The following CCDC93 variants were observed in gnomAD, a reference collection of about 807,000 sequenced individuals.
CCDC93 encodes CCC complex scaffolding subunit CCDC93, also known as coiled-coil domain-containing protein 93.
A neutral mutation model predicts 108.2 loss-of-function variants in CCDC93; 61 were observed. That is an observed-to-expected ratio of 0.56 (90% confidence interval 0.46 to 0.70). The LOEUF is 0.70. CCDC93 is among the 30% of genes least tolerant of loss of function. CCDC93 has a pLI of 0.00. For synonymous variants in CCDC93, 276 were observed against 260.4 expected, an observed-to-expected ratio of 1.06 and a Z score of -0.58; for missense variants, 685 against 764.2, an observed-to-expected ratio of 0.90 and a Z score of 1.22.
intron 6 of CCDC93, among the ~76,000 whole-genome samples, chr2:117,993,797 G>A (rs1312038512): frequency 1.3e-5 from 2 of 152,194 alleles, no homozygotes; most frequent in East Asian, 1.9e-4. Context: ...GCAATGGCAC[G>A]ATCTTGGCTC....
rs543860523 is a variant in CCDC93 at position 117,962,470 on chromosome 2, C to T, written c.889-3989G>A. Reference sequence around the variant, plus strand: ...ACCAGCCTAGCCAACATGGTGAAACCCTACTCTACTAAAAATACAAAAATT... The same window carrying T: ...ACCAGCCTAGCCAACATGGTGAAACTCTACTCTACTAAAAATACAAAAATT... On this transcript the variant is annotated intron_variant, in intron 11 of 23. Transcript: ENST00000376300. 3.5e-4 allele frequency among the ~76,000 whole-genome samples: 3 copies of T among 8,540 alleles called. No individual in the cohort carries two copies. The Admixed American group carries it at 9.7e-3, about 28-fold the overall frequency. 5.6% of individuals were successfully genotyped at this position (8,540 alleles called of 152,430 possible). A position where few individuals can be genotyped will look rare whatever the true frequency, so the allele number is the denominator to read the frequency against.
At chr2:117,922,498 A>C (rs964148753) in intron 23 of CCDC93, among the ~76,000 whole-genome samples, 1 of 152,206 alleles carries the variant, frequency 6.6e-6, no homozygotes, top group Non-Finnish European at 1.5e-5. Context: ...TGAATTCATC[A>C]GTGCTATTGA....
chr2:117,983,520 T>C (rs1680212529), intron 7 of CCDC93, among the ~76,000 whole-genome samples: 1 of 152,044 alleles, frequency 6.6e-6, no homozygotes, highest in Admixed American at 6.5e-5. Flanking sequence ...TCTGAGGGCA[T>C]TTGAAAACTG....
intron 11 of CCDC93, among the ~76,000 whole-genome samples, chr2:117,972,348 T>C (rs563673086): frequency 2.0e-4 from 30 of 152,166 alleles, no homozygotes; most frequent in African/African-American, 6.8e-4. Flanking sequence ...CAGAGTTGGA[T>C]AGAGATCACT....
chr2:117,991,066 T>A (rs1680462506), intron 6 of CCDC93, among the ~76,000 whole-genome samples: 1 of 151,778 alleles, frequency 6.6e-6, no homozygotes, highest in African/African-American at 2.4e-5. Flanking sequence ...ATGCAAAAAA[T>A]TCAAACAGTC....
rs1300802855 is a variant in CCDC93 at position 117,919,069 on chromosome 2, C to T, written c.*1274G>A. 6.6e-6 allele frequency: 1 copy of T among 152,222 alleles called. No individual in the cohort carries two copies. The highest frequency in any genetic ancestry group is 2.4e-5 in the African/African-American group (1 of 41,452). The allele number at this position is 152,222 out of a possible 1,614,324, so 9.4% of individuals were successfully genotyped here. A position where few individuals can be genotyped will look rare whatever the true frequency, so the allele number is the denominator to read the frequency against. On this transcript the variant is annotated 3_prime_UTR_variant, in exon 24 of 24. Transcript: ENST00000376300. ...TGCAAGATTTATGCAAAATGGAGCA[C>T]AAACCTACAGAACATGACTGAGTTA... is the stretch of plus-strand genomic sequence containing the variant.
chr2:117,915,829 C>T lies in CCDC93; in HGVS notation c.*4514G>A, dbSNP rs1677665516. 6.6e-6 allele frequency: 1 copy of T among 151,884 alleles called. No homozygotes were observed. Among genetic ancestry groups the T allele is most frequent in the Non-Finnish European group, 1.5e-5 (1 of 67,846 alleles). 9.4% of individuals were successfully genotyped at this position (151,884 alleles called of 1,614,324 possible). A position where few individuals can be genotyped will look rare whatever the true frequency, so the allele number is the denominator to read the frequency against. ...TTTCTCCATTCCAAACATTAGGATACCATGGGCTTTTTTCCTCACTTAATC... is the reference window on the plus strand; with the variant it reads ...TTTCTCCATTCCAAACATTAGGATATCATGGGCTTTTTTCCTCACTTAATC... On this transcript the variant is annotated 3_prime_UTR_variant, in exon 24 of 24. Coordinates refer to ENST00000376300, the MANE Select transcript of CCDC93 (RefSeq NM_019044.5).
chr2:117,926,488 C>G (rs1046785018), intron 23 of CCDC93, among the ~76,000 whole-genome samples: 1 of 152,166 alleles, frequency 6.6e-6, no homozygotes, highest in Non-Finnish European at 1.5e-5. Flanking sequence ...ATACTATAAA[C>G]ACCTCTACGC....
At chr2:117,931,465 G>C (rs1678327654) in intron 22 of CCDC93, 1 of 287,878 alleles carries the variant, frequency 3.5e-6, no homozygotes, top group Non-Finnish European at 6.6e-6. Flanking sequence ...GCAGTGTCTG[G>C]AGACAGTTTT....
Position 117,976,163 on chromosome 2 carries a change from C to G in CCDC93, c.658-883G>C, listed in dbSNP as rs78991406. 5.5e-4 allele frequency among the ~76,000 whole-genome samples: 84 copies of G among 152,260 alleles called. 1 individual carries two copies. Among genetic ancestry groups the G allele is most frequent in the African/African-American group, 1.9e-3 (79 of 41,556 alleles). ...CTGCCCATGGGAACACTCCGAGCTCCTAACTGCTTGGACACATCTACAGGG... is the reference window on the plus strand; with the variant it reads ...CTGCCCATGGGAACACTCCGAGCTCGTAACTGCTTGGACACATCTACAGGG... On this transcript the variant is annotated intron_variant, in intron 8 of 23. Transcript: ENST00000376300.
At chr2:118,009,222 T>G (rs1056353767) in intron 1 of CCDC93, among the ~76,000 whole-genome samples, 6 of 148,890 alleles carry the variant, frequency 4.0e-5, no homozygotes, top group African/African-American at 7.5e-5. Flanking sequence ...AATACAAAAC[T>G]TAGCCAGGTT....
chr2:117,946,903 T>A, intron 15 of CCDC93, 21 bp from the exon 16 acceptor site: 1 of 1,564,496 alleles, frequency 6.4e-7, no homozygotes, highest in Non-Finnish European at 8.8e-7. Flanking sequence ...GACATGAACT[T>A]TTACAAAATT....
At chr2:118,013,613 G>C (rs1677078992) in intron 1 of CCDC93, among the ~76,000 whole-genome samples, 1 of 152,202 alleles carries the variant, frequency 6.6e-6, no homozygotes, top group Non-Finnish European at 1.5e-5. Flanking sequence ...TGCGGCGCGG[G>C]GTGGGGGAGC....
At chr2:118,012,855 G>C (rs929569258) in intron 1 of CCDC93, 5 of 152,230 alleles carry the variant, frequency 3.3e-5, no homozygotes, top group East Asian at 1.9e-4. Context: ...ACAGAACACA[G>C]TGATCCCTCA....
At chr2:117,957,805 T>G (rs1316567729) in intron 12 of CCDC93, among the ~76,000 whole-genome samples, 2 of 152,156 alleles carry the variant, frequency 1.3e-5, no homozygotes, top group Non-Finnish European at 2.9e-5. Flanking sequence ...ATCTTTCCAG[T>G]CTCAGAACTC....
chr2:117,927,315 A>G, intron 23 of CCDC93, among the ~76,000 whole-genome samples: 1 of 152,172 alleles, frequency 6.6e-6, no homozygotes, highest in South Asian at 2.1e-4. Context: ...AATTAGGAAA[A>G]GAAGAAGTCA....
chr2:117,952,542 C>G, intron 12 of CCDC93, 107 bp from the exon 13 acceptor site: 1 of 835,130 alleles, frequency 1.2e-6, no homozygotes, highest in East Asian at 2.6e-5. Context: ...TTAAACTGAG[C>G]AAATGTGAAA....
chr2:118,010,925 T>C (rs1677006518), intron 1 of CCDC93, among the ~76,000 whole-genome samples: 1 of 152,212 alleles, frequency 6.6e-6, no homozygotes, highest in Non-Finnish European at 1.5e-5. Context: ...TACATATAAC[T>C]AAGTATCAAC....
At chr2:117,946,991 T>C (rs1678894276) in intron 15 of CCDC93, 109 bp from the exon 16 acceptor site, 3 of 859,626 alleles carry the variant, frequency 3.5e-6, no homozygotes, top group South Asian at 3.0e-5. Context: ...GAGTTTATTC[T>C]GGGACGAAAA....
Sources: allele counts gnomAD v4.1 joint callset (sites outside exome capture counted in the v4.1 genomes callset), GRCh38; gene constraint gnomAD v4.1.1; transcripts MANE v1.5; gene names NCBI Gene and HGNC (gene_info 2026-07-23, HGNC 2026-07-21).